PPP6R2: variants seen among roughly 807,000 people sequenced by gnomAD.
PPP6R2 encodes the protein serine/threonine-protein phosphatase 6 regulatory subunit 2.
A neutral mutation model predicts 100.2 loss-of-function variants in PPP6R2; 62 were observed. That is an observed-to-expected ratio of 0.62 (90% CI 0.50 to 0.76). The LOEUF (loss-of-function observed/expected upper bound fraction) is 0.76. PPP6R2 is among the 30% of genes least tolerant of loss of function. The pLI is 0.00. For missense variants in PPP6R2, 1,142 were observed against 1,276.3 expected (o/e 0.89, Z 1.60); for synonymous variants, 525 against 514.7 (o/e 1.02, Z -0.27).
At chr22:50,426,649 A>G (rs1020776955) in intron 10 of PPP6R2, among the ~76,000 whole-genome samples, 2 of 152,112 alleles carry the variant, frequency 1.3e-5, no homozygotes, top group Admixed American at 6.6e-5. Context: ...AGCCTGGCCA[A>G]TGTGGCGAAA....
upstream of PPP6R2, among the ~76,000 whole-genome samples, chr22:50,340,744 G>T (rs916145874): frequency 6.6e-6 from 1 of 151,820 alleles, no homozygotes; most frequent in Non-Finnish European, 1.5e-5. Flanking sequence ...TGCAGGGACA[G>T]CAGCAGCCAA....
At chr22:50,437,731 C>T (rs1276977623) in intron 16 of PPP6R2, 112 bp from the exon 17 acceptor site, 2 of 1,411,370 alleles carry the variant, frequency 1.4e-6, no homozygotes, top group Non-Finnish European at 9.8e-7. Flanking sequence ...CAGGTGTTCC[C>T]AGTTGTGTGA....
chr22:50,421,342 T>C (rs2061307023), intron 8 of PPP6R2, among the ~76,000 whole-genome samples: 1 of 151,928 alleles, frequency 6.6e-6, no homozygotes, highest in Non-Finnish European at 1.5e-5. Context: ...ATTATTGTGA[T>C]TATTATTATT....
At chr22:50,405,219 G>A (rs945891119) in intron 3 of PPP6R2, among the ~76,000 whole-genome samples, 7 of 152,212 alleles carry the variant, frequency 4.6e-5, no homozygotes, top group East Asian at 1.9e-4. Flanking sequence ...GTGGCCTCGC[G>A]GAAACAGTGT....
chr22:50,348,720 A>G (rs2044307586), intron 1 of PPP6R2, among the ~76,000 whole-genome samples: 1 of 152,140 alleles, frequency 6.6e-6, no homozygotes, highest in South Asian at 2.1e-4. Context: ...AGCCGCAGGT[A>G]TACAACTGTC....
At chr22:50,337,496 G>A in the PPP6R2 span, among the ~76,000 whole-genome samples, 3 of 144,682 alleles carry the variant, frequency 2.1e-5, no homozygotes, top group Non-Finnish European at 4.5e-5. Flanking sequence ...GATGTGTGGT[G>A]TGTGTGCGGT....
rs1292447016 is a variant in PPP6R2, at chr22:50,423,131, C to T, written c.973-331C>T. On this transcript the variant is annotated intron_variant, in intron 9 of 23. Coordinates refer to ENST00000612753, the MANE Select transcript of PPP6R2 (RefSeq NM_001242898.2). This position sits in a 1 kb window ranked among gnomAD's most constrained non-coding sequence, Gnocchi z 4.8. ...GGGCATCCTCAGTGAGGCATCGTGC[C>T]AAGGGCTCTGGCCTTAGACCGGTAC... 6.6e-6 allele frequency among the ~76,000 whole-genome samples: 1 copy of T among 152,174 alleles called. No individual in the cohort carries two copies. Among genetic ancestry groups the T allele is most frequent in the Non-Finnish European group, 1.5e-5 (1 of 68,034 alleles).
chr22:50,443,927 G>C lies in PPP6R2; in HGVS notation c.2641G>C (p.Ala881Pro), dbSNP rs1396499264. 1.2e-6 allele frequency: 2 copies of C among 1,603,748 alleles called. No individual in the cohort carries two copies. The highest frequency in any genetic ancestry group is 1.7e-6 in the Non-Finnish European group (2 of 1,175,666). Residue 881 changes from alanine (A) to proline (P), a missense_variant, in exon 23 of 24, where the codon GCT becomes CCT. Ala to Pro is a conservative substitution (Grantham distance 27). Around this residue, in one of 2 missense-constraint regions of PPP6R2, gnomAD observed 550 missense variants for 517.4 expected, o/e 1.06. Coordinates refer to ENST00000612753, the MANE Select transcript of PPP6R2 (RefSeq NM_001242898.2). Reference protein sequence around the residue: ...PACPAPKEVTAAPAVAVPPEA... With the variant: ...PACPAPKEVTPAPAVAVPPEA... ...CTGCCCCGCGCCAAAGGAAGTGACT[G>C]CTGCCCCAGCCGTGGCTGTGCCCCC... is the stretch of plus-strand genomic sequence containing the variant.
At chr22:50,444,151 G>A in intron 23 of PPP6R2, 34 bp downstream of exon 23, 2 of 1,612,238 alleles carry the variant, frequency 1.2e-6, no homozygotes, top group Non-Finnish European at 1.7e-6. Context: ...AGGGGGTGTG[G>A]ACAGGGCCCG....
chr22:50,340,549 G>A (rs1009277614), upstream of PPP6R2, among the ~76,000 whole-genome samples: 13 of 145,898 alleles, frequency 8.9e-5, no homozygotes, highest in East Asian at 2.0e-4. Context: ...TGTGTGTCGC[G>A]TGTGTGTGGT....
At chr22:50,397,408 T>C (rs1031604758) in intron 3 of PPP6R2, among the ~76,000 whole-genome samples, 1 of 152,198 alleles carries the variant, frequency 6.6e-6, no homozygotes, top group Admixed American at 6.5e-5. Context: ...AGGAAGTTAA[T>C]TCATAATGTC....
intron 1 of PPP6R2, among the ~76,000 whole-genome samples, chr22:50,359,124 C>T (rs1389529580): frequency 3.3e-5 from 5 of 151,614 alleles, no homozygotes; most frequent in East Asian, 3.9e-4. Context: ...CTCAGCCTCC[C>T]GAGTAGCTGG....
chr22:50,417,554 T>C (rs548006787), intron 6 of PPP6R2, among the ~76,000 whole-genome samples: 3 of 152,302 alleles, frequency 2.0e-5, no homozygotes, highest in African/African-American at 7.2e-5. Flanking sequence ...CCTTGGCAGA[T>C]TGGAAAACAG....
At position 50,444,480 on chromosome 22, in the gene PPP6R2, G is replaced by C; in HGVS notation, c.*233G>C. The C allele has an allele frequency of 2.9e-6, 1 of 347,842 alleles. No homozygotes were observed. Among genetic ancestry groups the C allele is most frequent in the Non-Finnish European group, 5.1e-6 (1 of 196,460 alleles). The allele number at this position is 347,842 out of a possible 1,614,324, so 21.5% of individuals were successfully genotyped here. A position where few individuals can be genotyped will look rare whatever the true frequency, so the allele number is the denominator to read the frequency against. On this transcript the variant is annotated 3_prime_UTR_variant, in exon 24 of 24. Transcript: ENST00000612753. ...TGGAGGACAGAGGGGCACCTCAGCC[G>C]CCCCCAAGCCCAGAGCACAGCAATA...
chr22:50,435,194 G>A, intron 13 of PPP6R2, 113 bp downstream of exon 13: 1 of 820,968 alleles, frequency 1.2e-6, no homozygotes, highest in South Asian at 1.9e-5. Context: ...CACTGACAGT[G>A]AGAGACCCAT....
intron 2 of PPP6R2, among the ~76,000 whole-genome samples, chr22:50,375,240 C>T (rs1280547211): frequency 6.6e-6 from 1 of 152,094 alleles, no homozygotes; most frequent in Non-Finnish European, 1.5e-5. Context: ...CCCCACCCTC[C>T]ACCCCAGAAA....
intron 2 of PPP6R2, among the ~76,000 whole-genome samples, chr22:50,379,800 A>C (rs1034301891): frequency 8.5e-5 from 13 of 152,120 alleles, no homozygotes; most frequent in East Asian, 3.9e-4. Context: ...GGATCACGTG[A>C]GCCTTGGAAG....
intron 2 of PPP6R2, among the ~76,000 whole-genome samples, chr22:50,378,458 T>C (rs2052119053): frequency 2.0e-5 from 3 of 151,794 alleles, no homozygotes; most frequent in Admixed American, 6.6e-5. Flanking sequence ...TGGTGGTGCA[T>C]GCCTGTAATC....
intron 1 of PPP6R2, among the ~76,000 whole-genome samples, chr22:50,364,272 A>AAC (rs2048330944): frequency 6.6e-6 from 1 of 152,298 alleles, no homozygotes; most frequent in East Asian, 1.9e-4. Context: ...GGAACTTGGT[A>AAC]TATGAGAGAA....
Sources: gnomAD v4.1 joint callset for allele counts (sites outside exome capture counted in the v4.1 genomes callset) on GRCh38, gnomAD v4.1.1 for gene constraint, gnomAD v4.1.1 regional missense constraint, Gnocchi (gnomAD v3.1) non-coding constraint, MANE v1.5 for transcripts, NCBI Gene and HGNC (gene_info 2026-07-23, HGNC 2026-07-21) for gene names.